The following APOOL variants were observed in gnomAD, a reference collection of about 807,000 sequenced individuals.
The protein encoded by APOOL is apolipoprotein O like, also known as MICOS complex subunit MIC27.
Under a neutral mutation model 23.1 loss-of-function variants are expected in APOOL, and 12 were observed. The ratio of observed to expected loss-of-function variants is 0.52; its 90% confidence interval spans 0.33 to 0.84. The LOEUF (loss-of-function observed/expected upper bound fraction) is 0.84, where lower values mean the gene tolerates loss of function less well. Ranked by LOEUF, APOOL falls within the 40% of genes least tolerant of loss-of-function variation. The probability of loss-of-function intolerance (pLI) is 0.02; values close to 1 mark genes in which losing one functional copy is unlikely to be tolerated. For missense variants in APOOL, 212 were observed against 199.6 expected, an observed-to-expected ratio of 1.06 and a Z score of -0.37; for synonymous variants, 77 against 69.9, an observed-to-expected ratio of 1.10 and a Z score of -0.51.
chrX:85,018,648 G>A (rs1464023873), intron 1 of APOOL, among the ~76,000 whole-genome samples: 2 of 109,747 alleles, frequency 1.8e-5, no homozygotes, highest in African/African-American at 6.6e-5. Flanking sequence ...TCTTTCTTCT[G>A]TTTGATCATG....
rs1272908914 is a variant in APOOL at position 85,087,849 on chromosome X, C to T, written c.*171C>T. 7.6e-6 allele frequency: 3 copies of T among 392,684 alleles called. No homozygotes were observed. The highest frequency in any genetic ancestry group is 1.3e-5 in the Non-Finnish European group (3 of 231,706). The allele number at this position is 392,684 out of a possible 1,213,427, so 32.4% of individuals were successfully genotyped here. On this transcript the variant is annotated 3_prime_UTR_variant, in exon 9 of 9. Coordinates refer to ENST00000373173, the MANE Select transcript of APOOL (RefSeq NM_198450.6). ...TGATAAATTACATAAGTGGTTAACA[C>T]ACAAACTGTGAATGCAGTGTAAACA...
intron 8 of APOOL, among the ~76,000 whole-genome samples, chrX:85,077,423 C>A (rs1207529937): frequency 9.1e-6 from 1 of 110,309 alleles, no homozygotes; most frequent in Non-Finnish European, 1.9e-5. Context: ...CATGTCCCTG[C>A]AAAGGACATG....
chrX:85,025,518 T>C (rs1414384444), intron 1 of APOOL, among the ~76,000 whole-genome samples: 3 of 112,200 alleles, frequency 2.7e-5, no homozygotes, highest in African/African-American at 9.7e-5. Flanking sequence ...ACAAGGCAAG[T>C]CCCTTCCACC....
intron 1 of APOOL, among the ~76,000 whole-genome samples, chrX:85,016,932 G>A (rs922261692): frequency 8.9e-6 from 1 of 112,328 alleles, no homozygotes; most frequent in African/African-American, 3.2e-5. Flanking sequence ...TGAGATAATT[G>A]GCCTCCAGTC....
At chrX:85,003,976 C>A (rs774320111) in intron 1 of APOOL, 49 bp downstream of exon 1, 2 of 1,200,306 alleles carry the variant, frequency 1.7e-6, no homozygotes. Flanking sequence ...GATAGCATCC[C>A]GGTAACTGTA....
intron 1 of APOOL, among the ~76,000 whole-genome samples, chrX:85,016,185 G>T (rs777251400): frequency 9.3e-6 from 1 of 107,968 alleles, no homozygotes; most frequent in African/African-American, 3.4e-5. Flanking sequence ...ATAGTCACCA[G>T]TTGTGGCTAA....
chrX:85,029,555 G>T (rs773905009), intron 1 of APOOL, among the ~76,000 whole-genome samples: 1 of 110,945 alleles, frequency 9.0e-6, no homozygotes, highest in African/African-American at 3.3e-5. Context: ...CTTTCTTCAT[G>T]CCAGTGGACT....
chrX:85,048,154 A>G (rs1040483154), intron 2 of APOOL, among the ~76,000 whole-genome samples: 3 of 111,609 alleles, frequency 2.7e-5, no homozygotes, highest in African/African-American at 9.7e-5. Context: ...ATATTCATAA[A>G]TTCAACCAAA....
chrX:85,059,073 T>G (rs1385103980), intron 5 of APOOL, among the ~76,000 whole-genome samples: 10 of 86,430 alleles, frequency 1.2e-4, no homozygotes, highest in Non-Finnish European at 1.7e-4. Context: ...TTCCCCTTCC[T>G]GTGTCCATGT....
At chrX:85,084,956 C>T (rs1048102697) in intron 8 of APOOL, among the ~76,000 whole-genome samples, 31 of 110,923 alleles carry the variant, frequency 2.8e-4, no homozygotes, top group African/African-American at 9.2e-4. Context: ...GCACACTTTT[C>T]ACTTGTACTG....
chrX:85,036,344 G>A (rs185095967), intron 1 of APOOL, among the ~76,000 whole-genome samples: 4 of 111,977 alleles, frequency 3.6e-5, no homozygotes, highest in East Asian at 2.8e-4. Flanking sequence ...CCAAAACTTC[G>A]CTGGAGTTGT....
rs550768604 is a variant in APOOL, at chrX:85,090,721, A to G, written c.*3043A>G. On this transcript the variant is annotated 3_prime_UTR_variant, in exon 9 of 9. Transcript: ENST00000373173. ...GTGTGTCCTCTTAGAATGTTCTTCCATCTTATCCTGCTCTACATTCTAACT... is the reference window on the plus strand; with the variant it reads ...GTGTGTCCTCTTAGAATGTTCTTCCGTCTTATCCTGCTCTACATTCTAACT... 5.4e-5 allele frequency: 6 copies of G among 111,684 alleles called. No homozygotes were observed. The South Asian group carries it at 1.9e-3, about 35-fold the overall frequency. The allele number at this position is 111,684 out of a possible 1,213,427, so 9.2% of individuals were successfully genotyped here. A position where few individuals can be genotyped will look rare whatever the true frequency, so the allele number is the denominator to read the frequency against.
At chrX:85,039,913 T>A (rs1416211342) in intron 1 of APOOL, among the ~76,000 whole-genome samples, 1 of 111,986 alleles carries the variant, frequency 8.9e-6, no homozygotes, top group Non-Finnish European at 1.9e-5. Context: ...AGTTTAACAT[T>A]GATATGTGCA....
chrX:85,046,783 A>G (rs774076705), intron 2 of APOOL, among the ~76,000 whole-genome samples: 3 of 111,916 alleles, frequency 2.7e-5, no homozygotes, highest in Non-Finnish European at 5.7e-5. Context: ...TGAATAATCA[A>G]TAAGTAGTGG....
At chrX:85,034,972 A>G (rs1346013772) in intron 1 of APOOL, among the ~76,000 whole-genome samples, 4 of 111,919 alleles carry the variant, frequency 3.6e-5, no homozygotes, top group Admixed American at 9.5e-5. Flanking sequence ...TTGGATATAT[A>G]CCCAGTAGTG....
chrX:85,012,548 C>T (rs1414013328), intron 1 of APOOL, among the ~76,000 whole-genome samples: 1 of 111,468 alleles, frequency 9.0e-6, no homozygotes, highest in Non-Finnish European at 1.9e-5. Flanking sequence ...AGGTTTTTAT[C>T]ATGAAGGGAG....
intron 4 of APOOL, among the ~76,000 whole-genome samples, chrX:85,054,951 G>A (rs181672921): frequency 4.3e-4 from 48 of 111,833 alleles, no homozygotes; most frequent in Middle Eastern, 4.7e-3. Flanking sequence ...TAAGCTAATG[G>A]TTAAAAAGCA....
intron 5 of APOOL, among the ~76,000 whole-genome samples, chrX:85,059,574 C>A (rs1475306641): frequency 9.1e-6 from 1 of 109,458 alleles, no homozygotes; most frequent in Non-Finnish European, 1.9e-5. Flanking sequence ...GCCATTCTAA[C>A]TGGTGTGAGA....
intron 8 of APOOL, among the ~76,000 whole-genome samples, chrX:85,083,225 A>G (rs1455994407): frequency 8.9e-6 from 1 of 111,797 alleles, no homozygotes; most frequent in African/African-American, 3.2e-5. Flanking sequence ...AAAAGGCAGG[A>G]AGATGTGACT....
Sources: gnomAD v4.1 joint callset for allele counts (sites outside exome capture counted in the v4.1 genomes callset) on GRCh38, gnomAD v4.1.1 for gene constraint, MANE v1.5 for transcripts, NCBI Gene and HGNC (gene_info 2026-07-23, HGNC 2026-07-21) for gene names.